ALG2: variants seen among roughly 807,000 people sequenced by gnomAD.
ALG2 encodes ALG2 alpha-1,3/1,6-mannosyltransferase.
In ALG2, 32 loss-of-function variants were observed where a neutral mutation model predicts 30.5. The observed-to-expected ratio is 1.05, with a 90% confidence interval of 0.79 to 1.41. The LOEUF is 1.41. Among genes scored for constraint, ALG2 ranks in the 40% most tolerant of loss-of-function variants. The pLI, the probability that ALG2 is intolerant of heterozygous loss-of-function variation, is 0.00. For missense variants in ALG2, 574 were observed against 526.4 expected (o/e 1.09, Z -0.88); for synonymous variants, 253 against 224.8 (o/e 1.13, Z -1.12).
At chr9:99,221,489 G>A (rs1380730590) in intron 1 of ALG2, 58 bp downstream of exon 1, 6 of 1,514,448 alleles carry the variant, frequency 4.0e-6, no homozygotes, top group East Asian at 4.9e-5. Flanking sequence ...GGTCATGCCC[G>A]CGGCCGCCCT....
At chr9:99,220,843 T>C in intron 1 of ALG2, 1 of 908,392 alleles carries the variant, frequency 1.1e-6, no homozygotes, top group Non-Finnish European at 1.5e-6. Flanking sequence ...GCTTTTAGGT[T>C]ACATCCTTCT....
At position 99,218,500 on chromosome 9, in the gene ALG2, G is replaced by C; in HGVS notation, c.685C>G (p.Leu229Val). 1 of 1,614,188 alleles carries C rather than the reference G, an allele frequency of 6.2e-7. No homozygotes were observed. Among genetic ancestry groups the C allele is most frequent in the East Asian group, 2.2e-5 (1 of 44,882 alleles). The change falls in exon 2 of 2, where the codon CTC becomes GTC. Residue 229 changes from leucine (L) to valine (V), a missense_variant. Transcript: ENST00000476832. Reference protein sequence around the residue: ...LVPKGKKFLLLSINRYERKKN... With the variant: ...LVPKGKKFLLVSINRYERKKN... ...TTCCTTTCGTATCTGTTGATGGAGA[G>C]CAGCAGGAATTTTTTCCCCTTGGGG...
At chr9:99,218,999 T>C (rs1828748191) in intron 1 of ALG2, among the ~76,000 whole-genome samples, 163 bp from the exon 2 acceptor site, 1 of 152,190 alleles carries the variant, frequency 6.6e-6, no homozygotes, top group East Asian at 1.9e-4. Context: ...ATATGCCTGG[T>C]GTACAGAAGG....
rs1012959999 is a variant in ALG2 at position 99,221,802 on chromosome 9, C to G, written c.93G>C (p.Arg31=). ...HPDLGVGGAE[R]LVLDAALALQ... is the part of the protein sequence containing the mutation. ...GCGCCAGCGCCGCGTCCAACACCAG[C>G]CGCTCAGCGCCGCCCACGCCCAGGT... The change falls in exon 1 of 2, where the codon CGG becomes CGC. Residue 31 remains arginine, a synonymous_variant. Coordinates refer to ENST00000476832, the MANE Select transcript of ALG2 (RefSeq NM_033087.4). 2.3e-5 allele frequency: 37 copies of G among 1,597,710 alleles called. No homozygotes were observed. Among genetic ancestry groups the G allele is most frequent in the Non-Finnish European group, 2.9e-5 (34 of 1,179,276 alleles).
Position 99,218,296 on chromosome 9 carries a change from C to A in ALG2, c.889G>T (p.Val297Leu), listed in dbSNP as rs1305460310. ...TCTGAGAAAGACCTCAAGAAGGTCA[C>A]ATACTGGCCAAGGTCGGACTGTTGG... ...MVQQSDLGQY[V>L]TFLRSFSDKQ... is the part of the protein sequence containing the mutation. Residue 297 changes from valine (V) to leucine (L), a missense_variant, in exon 2 of 2, where the codon GTG becomes TTG. By Grantham distance (32) the Val-to-Leu change is conservative. Transcript: ENST00000476832. The A allele has an allele frequency of 6.2e-7, 1 of 1,614,240 alleles. No individual in the cohort carries two copies. Among genetic ancestry groups the A allele is most frequent in the South Asian group, 1.1e-5 (1 of 91,088 alleles).
rs1310664627 is a variant in ALG2 at position 99,216,479 on chromosome 9, C to G, written c.*1455G>C. 4.5e-6 allele frequency: 2 copies of G among 443,872 alleles called. No individual in the cohort carries two copies. The highest frequency in any genetic ancestry group is 2.0e-5 in the African/African-American group (1 of 49,434). 27.5% of individuals were successfully genotyped at this position (443,872 alleles called of 1,614,324 possible). On this transcript the variant is annotated 3_prime_UTR_variant, in exon 2 of 2. Coordinates refer to ENST00000476832, the MANE Select transcript of ALG2 (RefSeq NM_033087.4). ...AAAGACTCAATATATTTGGCACCCT[C>G]ATTTTATAGTACTCCTTTTTGGTAC...
In ALG2 at chr9:99,217,705, T is replaced by C. The variant is rs1388615397; in HGVS notation, c.*229A>G. On this transcript the variant is annotated 3_prime_UTR_variant, in exon 2 of 2. Transcript: ENST00000476832. ...TGCTGAACATGGAATGACACCACAT[T>C]TGTAACTTAACACTGGCAAAATTTG... The C allele has an allele frequency of 3.0e-6, 2 of 656,564 alleles. No individual in the cohort carries two copies. Among genetic ancestry groups the C allele is most frequent in the African/African-American group, 1.8e-5 (1 of 56,358 alleles). The allele number at this position is 656,564 out of a possible 1,614,324, so 40.7% of individuals were successfully genotyped here. A position where few individuals can be genotyped will look rare whatever the true frequency, so the allele number is the denominator to read the frequency against.
Position 99,217,493 on chromosome 9 carries a change from C to G in ALG2, c.*441G>C, listed in dbSNP as rs1352640735. The G allele has an allele frequency of 4.4e-6, 2 of 454,738 alleles. No homozygotes were observed. Among genetic ancestry groups the G allele is most frequent in the Non-Finnish European group, 8.8e-6 (2 of 227,132 alleles). 28.2% of individuals were successfully genotyped at this position (454,738 alleles called of 1,614,324 possible). A position where few individuals can be genotyped will look rare whatever the true frequency, so the allele number is the denominator to read the frequency against. On this transcript the variant is annotated 3_prime_UTR_variant, in exon 2 of 2. Coordinates refer to ENST00000476832, the MANE Select transcript of ALG2 (RefSeq NM_033087.4). ...CAAACAAAAATTCCCTAACAGATGA[C>G]AGTGAACACTTCGGTGGATTGAATC...
chr9:99,221,833 T>G lies in ALG2; in HGVS notation c.62A>C (p.His21Pro). ...AGCGCCGCCCACGCCCAGGTCTGGG[T>G]GGAGGAACAGCACCGACGGCTTGGG... Reference protein sequence around the residue: ...SVPKPSVLFLHPDLGVGGAER... With the variant: ...SVPKPSVLFLPPDLGVGGAER... The change falls in exon 1 of 2, where the codon CAC becomes CCC. Residue 21 changes from histidine to proline, a missense_variant. Physicochemically the swap from His to Pro is moderately conservative, Grantham distance 77. Transcript: ENST00000476832. The G allele has an allele frequency of 1.3e-6, 2 of 1,596,720 alleles. No homozygotes were observed. The highest frequency in any genetic ancestry group is 1.7e-6 in the Non-Finnish European group (2 of 1,178,904).
Position 99,221,722 on chromosome 9 carries a change from T to C in ALG2, c.173A>G (p.His58Arg), listed in dbSNP as rs1474921117. 1.3e-6 allele frequency: 2 copies of C among 1,597,816 alleles called. No homozygotes were observed. The highest frequency in any genetic ancestry group is 1.7e-5 in the Admixed American group (1 of 59,886). The part of the protein sequence containing the change: ...KIWTAHYDPG[H>R]CFAESRELPV... ...TAGCTCGCGGCTCTCGGCGAAACAG[T>C]GGCCCGGGTCGTAGTGCGCTGTCCA... Residue 58 changes from histidine to arginine, a missense_variant, in exon 1 of 2, where the codon CAC (histidine) becomes CGC (arginine). Coordinates refer to ENST00000476832, the MANE Select transcript of ALG2 (RefSeq NM_033087.4).
At position 99,218,340 on chromosome 9, in the gene ALG2, T is replaced by A. The variant is rs780766713; in HGVS notation, c.845A>T (p.Gln282Leu). ...ERVLENVEHY[Q>L]ELKKMVQQSD... Reference sequence around the variant, plus strand: ...CTGTTGGACCATTTTCTTCAATTCCTGATAATGTTCCACATTCTCCAGGAC... The same window carrying A: ...CTGTTGGACCATTTTCTTCAATTCCAGATAATGTTCCACATTCTCCAGGAC... Residue 282 changes from glutamine (Q) to leucine (L), a missense_variant, in exon 2 of 2, where the codon CAG becomes CTG. Coordinates refer to ENST00000476832, the MANE Select transcript of ALG2 (RefSeq NM_033087.4). 17 of 1,614,244 alleles carry A rather than the reference T, an allele frequency of 1.1e-5. No homozygotes were observed. In the South Asian group the frequency reaches 1.9e-4, roughly 18 times the overall value.
At position 99,217,221 on chromosome 9, in the gene ALG2, A is replaced by G. The variant is rs1386422855; in HGVS notation, c.*713T>C. 2 of 454,018 alleles carry G rather than the reference A, an allele frequency of 4.4e-6. No homozygotes were observed. Among genetic ancestry groups the G allele is most frequent in the African/African-American group, 4.0e-5 (2 of 50,012 alleles). 28.1% of individuals were successfully genotyped at this position (454,018 alleles called of 1,614,324 possible). A position where few individuals can be genotyped will look rare whatever the true frequency, so the allele number is the denominator to read the frequency against. ...CATTAAGAAATATACCCTAAACAAG[A>G]TGCACAACACATGTGTGACAATATT... is the stretch of plus-strand genomic sequence containing the variant. On this transcript the variant is annotated 3_prime_UTR_variant, in exon 2 of 2. Transcript: ENST00000476832.
At position 99,218,688 on chromosome 9, in the gene ALG2, G is replaced by T; in HGVS notation, c.497C>A (p.Thr166Asn). The change falls in exon 2 of 2, where the codon ACC becomes AAC. Residue 166 changes from threonine (T) to asparagine (N), a missense_variant. Physicochemically the swap from Thr to Asn is moderately conservative, Grantham distance 65 (BLOSUM62 0). Coordinates refer to ENST00000476832, the MANE Select transcript of ALG2 (RefSeq NM_033087.4). ...RAPIDWIEEY[T>N]TGMADCILVN... ...TAAGATGCAGTCTGCCATGCCTGTG[G>T]TGTATTCCTCTATCCAGTCAATTGG... 1 of 1,614,160 alleles carries T rather than the reference G, an allele frequency of 6.2e-7. No homozygotes were observed. The highest frequency in any genetic ancestry group is 1.3e-5 in the African/African-American group (1 of 75,046).
rs376627887 is a variant in ALG2 at position 99,221,647 on chromosome 9, C to T, written c.248G>A (p.Gly83Asp). The change falls in exon 1 of 2, where the codon GGC (glycine) becomes GAC (aspartate). Residue 83 changes from glycine to aspartate, a missense_variant. Gly to Asp is a moderately conservative substitution (Grantham distance 94). Coordinates refer to ENST00000476832, the MANE Select transcript of ALG2 (RefSeq NM_033087.4). ...DWLPRGLGWGGRGAAVCAYVR... is the reference protein window; with the variant it reads ...DWLPRGLGWGDRGAAVCAYVR... Reference sequence around the variant, plus strand: ...GTAGGCGCAGACGGCGGCGCCGCGGCCGCCCCAGCCCAGGCCTCGCGGCAG... The same window carrying T: ...GTAGGCGCAGACGGCGGCGCCGCGGTCGCCCCAGCCCAGGCCTCGCGGCAG... 5.2e-6 allele frequency: 8 copies of T among 1,540,450 alleles called. No homozygotes were observed. In the African/African-American group the frequency reaches 8.2e-5, roughly 16 times the overall value.
In ALG2 at chr9:99,218,039, T is replaced by C. The variant is rs1274083215; in HGVS notation, c.1146A>G (p.Leu382=). Reference sequence around the variant, plus strand: ...TTCCAGCCAGGCCCATGGTGGCTTTTAAGGAAGGTTCACGGATGAACTTTT... The same window carrying C: ...TTCCAGCCAGGCCCATGGTGGCTTTCAAGGAAGGTTCACGGATGAACTTTT... ...AIEKFIREPS[L]KATMGLAGRA... is the part of the protein sequence containing the mutation. The change falls in exon 2 of 2, where the codon TTA becomes TTG. Residue 382 remains leucine, a synonymous_variant. Transcript: ENST00000476832. 1 of 1,614,250 alleles carries C rather than the reference T, an allele frequency of 6.2e-7. No homozygotes were observed. The highest frequency in any genetic ancestry group is 8.5e-7 in the Non-Finnish European group (1 of 1,180,050).
At position 99,221,699 on chromosome 9, in the gene ALG2, GC is replaced by G. The variant is rs1303942085; in HGVS notation, c.195del (p.Glu65AspfsTer48). ...CAGTCCCCGGCACAGCGCACCGGTA[GC>G]TCGCGGCTCTCGGCGAAACAGTGGC... ...DPGHCFAESR[E>X]LPVRCAGDWL... On this transcript the variant is annotated frameshift_variant, in exon 1 of 2. Transcript: ENST00000476832. LOFTEE classifies it high-confidence loss of function. The G allele has an allele frequency of 1.3e-6, 2 of 1,585,122 alleles. No individual in the cohort carries two copies. The highest frequency in any genetic ancestry group is 1.7e-6 in the Non-Finnish European group (2 of 1,172,400).
intron 1 of ALG2, 71 bp from the exon 2 acceptor site, chr9:99,218,907 C>A (rs2119000858): frequency 6.5e-7 from 1 of 1,549,314 alleles, no homozygotes; most frequent in African/African-American, 1.4e-5. Context: ...AACACAGACA[C>A]CCACCCCGTC....
chr9:99,216,676 T>G lies in ALG2; in HGVS notation c.*1258A>C, dbSNP rs1464285681. 2.2e-6 allele frequency: 1 copy of G among 452,432 alleles called. No individual in the cohort carries two copies. The highest frequency in any genetic ancestry group is 1.6e-5 in the South Asian group (1 of 64,180). 28.0% of individuals were successfully genotyped at this position (452,432 alleles called of 1,614,324 possible). ...TTGCAAAATACTAATAGCTAATATA[T>G]ATACTATATGCCAAGTATTAAGTAC... On this transcript the variant is annotated 3_prime_UTR_variant, in exon 2 of 2. Coordinates refer to ENST00000476832, the MANE Select transcript of ALG2 (RefSeq NM_033087.4).
chr9:99,218,940 T>C (rs943011983), intron 1 of ALG2, 104 bp from the exon 2 acceptor site: 3 of 1,230,112 alleles, frequency 2.4e-6, no homozygotes, highest in East Asian at 2.4e-5. Context: ...GGGCTCCTCA[T>C]GGGCAATGTC....
Sources: allele counts gnomAD v4.1 joint callset (sites outside exome capture counted in the v4.1 genomes callset), GRCh38; gene constraint gnomAD v4.1.1; transcripts MANE v1.5; gene names NCBI Gene and HGNC (gene_info 2026-07-23, HGNC 2026-07-21).